The following PEX11G variants were observed in gnomAD, a reference collection of about 807,000 sequenced individuals.
The protein encoded by PEX11G is peroxisomal membrane protein 11C.
In PEX11G, 20 loss-of-function variants were observed where a neutral mutation model predicts 22.5. That is an observed-to-expected ratio of 0.89 (90% CI 0.62 to 1.29). PEX11G has a LOEUF of 1.29. Ranked by LOEUF, PEX11G falls within the 50% of genes most tolerant of loss-of-function variation. The pLI is 0.00. For missense variants in PEX11G, 347 were observed against 331.3 expected (o/e 1.05, Z -0.37); for synonymous variants, 141 against 154.5 (o/e 0.91, Z 0.65).
Position 7,477,309 on chromosome 19 carries a change from CG to C in PEX11G, c.618del (p.Gly207AlafsTer7). The C allele has an allele frequency of 1.9e-6, 3 of 1,563,812 alleles. No individual in the cohort carries two copies. Among genetic ancestry groups the C allele is most frequent in the Non-Finnish European group, 2.6e-6 (3 of 1,155,850 alleles). On this transcript the variant is annotated frameshift_variant, in exon 5 of 5. Coordinates refer to ENST00000221480, the MANE Select transcript of PEX11G (RefSeq NM_080662.4). LOFTEE classifies it high-confidence loss of function. ...CCCACTAGCCACGGCGGGAAGCGGCCGGCCCACAGCACGCCCCGGGGCAGCC... is the reference window on the plus strand; with the variant it reads ...CCCACTAGCCACGGCGGGAAGCGGCCGCCCACAGCACGCCCCGGGGCAGCC... ...VHWLPRGVLW[A>X]GRFPPWLVGL...
intron 2 of PEX11G, among the ~76,000 whole-genome samples, chr19:7,482,868 G>A (rs1977559978): frequency 6.6e-6 from 1 of 152,222 alleles, no homozygotes; most frequent in Non-Finnish European, 1.5e-5. Context: ...CCCCAGTTCC[G>A]GCAGGGATGG....
chr19:7,489,575 G>T, upstream of PEX11G: 1 of 879,722 alleles, frequency 1.1e-6, no homozygotes, highest in Non-Finnish European at 1.4e-6. Context: ...TGCACATGTT[G>T]GACAACCATC....
upstream of PEX11G, chr19:7,489,135 G>T: frequency 1.6e-6 from 2 of 1,249,558 alleles, no homozygotes; most frequent in Admixed American, 7.8e-5. Context: ...CCCCCTGACC[G>T]GCTTTTTGTC....
chr19:7,479,712 T>C (rs1977399752), intron 3 of PEX11G, among the ~76,000 whole-genome samples: 1 of 151,598 alleles, frequency 6.6e-6, no homozygotes, highest in Admixed American at 6.6e-5. Context: ...AGGACTTCGA[T>C]GGCCGTGAAA....
intron 1 of PEX11G, among the ~76,000 whole-genome samples, chr19:7,488,027 G>A (rs2021741260): frequency 6.6e-6 from 1 of 152,190 alleles, no homozygotes; most frequent in Non-Finnish European, 1.5e-5. Context: ...TCAACCATAT[G>A]GGACTTGATT....
At chr19:7,491,345 C>T (rs1169056581), upstream of PEX11G, among the ~76,000 whole-genome samples, 3 of 148,686 alleles carry the variant, frequency 2.0e-5, no homozygotes, top group East Asian at 2.0e-4. Flanking sequence ...TCTCAGCTCA[C>T]GGCAGCCTCC....
upstream of PEX11G, among the ~76,000 whole-genome samples, chr19:7,489,726 C>G (rs540320416): frequency 5.9e-5 from 9 of 152,132 alleles, no homozygotes; most frequent in Non-Finnish European, 1.2e-4. Flanking sequence ...CGGAAAAGCT[C>G]TCTGTTCTTC....
chr19:7,489,170 G>T, upstream of PEX11G: 1 of 763,158 alleles, frequency 1.3e-6, no homozygotes, highest in Non-Finnish European at 1.6e-6. Context: ...GACAGAGTTT[G>T]CAGAGGTGGG....
At chr19:7,488,483 T>C (rs1393092653) in intron 1 of PEX11G, among the ~76,000 whole-genome samples, 3 of 152,146 alleles carry the variant, frequency 2.0e-5, no homozygotes, top group South Asian at 2.1e-4. Flanking sequence ...TCCAGACAGG[T>C]TGGGTTGGCA....
At chr19:7,482,331 G>C in intron 2 of PEX11G, 120 bp from the exon 3 acceptor site, 5 of 1,159,692 alleles carry the variant, frequency 4.3e-6, no homozygotes, top group Non-Finnish European at 5.9e-6. Context: ...GCCGTGTCCA[G>C]GCCTGGCAGG....
chr19:7,485,686 G>A (rs896848266), intron 2 of PEX11G, 152 bp downstream of exon 2: 17 of 659,302 alleles, frequency 2.6e-5, no homozygotes, highest in Non-Finnish European at 4.0e-5. Flanking sequence ...GGCCTGGCTG[G>A]TCTCGAACTC....
chr19:7,484,082 G>T (rs549638933), intron 2 of PEX11G, among the ~76,000 whole-genome samples: 1 of 152,308 alleles, frequency 6.6e-6, no homozygotes, highest in Admixed American at 6.5e-5. Flanking sequence ...GTGGCCAGGC[G>T]CGGTGGCTCA....
rs1709442621 is a variant in PEX11G, at chr19:7,477,348, T to C, written c.580A>G (p.Asn194Asp). ...CCCCGGGGCAGCCAGTGCACGGCGT[T>C]GGCCAGGTCGGCCAGGTTGCTGAGA... The part of the protein sequence containing the change: ...SLLSNLADLA[N>D]AVHWLPRGVL... Residue 194 changes from asparagine (N) to aspartate (D), a missense_variant, in exon 5 of 5, where the codon AAC becomes GAC. Physicochemically the swap from Asn to Asp is conservative, Grantham distance 23 (BLOSUM62 1). Coordinates refer to ENST00000221480, the MANE Select transcript of PEX11G (RefSeq NM_080662.4). 1.3e-6 allele frequency: 2 copies of C among 1,558,890 alleles called. No individual in the cohort carries two copies. The highest frequency in any genetic ancestry group is 1.7e-6 in the Non-Finnish European group (2 of 1,153,960).
In PEX11G at chr19:7,477,259, G is replaced by C; in HGVS notation, c.669C>G (p.Ile223Met). Residue 223 changes from isoleucine (I) to methionine (M), a missense_variant, in exon 5 of 5, where the codon ATC becomes ATG. By Grantham distance (10) the Ile-to-Met change is conservative. Coordinates refer to ENST00000221480, the MANE Select transcript of PEX11G (RefSeq NM_080662.4). Reference protein sequence around the residue: ...LVGLMGTISSILSMYQAARAG... With the variant: ...LVGLMGTISSMLSMYQAARAG... ...CCCGGGCCGCCTGGTACATGCTGAGGATTGAGGAGATGGTGCCCATGAGGC... is the reference window on the plus strand; with the variant it reads ...CCCGGGCCGCCTGGTACATGCTGAGCATTGAGGAGATGGTGCCCATGAGGC... The C allele has an allele frequency of 6.3e-7, 1 of 1,584,036 alleles. No individual in the cohort carries two copies. Among genetic ancestry groups the C allele is most frequent in the Non-Finnish European group, 8.6e-7 (1 of 1,167,564 alleles).
chr19:7,488,984 C>G lies in PEX11G; in HGVS notation c.27G>C (p.Ser9=), dbSNP rs1333799004. ...CCCGGCCCCTGTACGACTCCAGCGC[C>G]GACGCCAGGCCGCTCAGCGACGCCA... MASLSGLA[S]ALESYRGRDR... is the part of the protein sequence containing the mutation. The change falls in exon 1 of 5, where the codon TCG becomes TCC. Residue 9 remains serine (S), a synonymous_variant. Transcript: ENST00000221480. 20 of 1,549,254 alleles carry G rather than the reference C, an allele frequency of 1.3e-5. No homozygotes were observed. The East Asian group carries it at 5.0e-4, about 38-fold the overall frequency.
At chr19:7,478,227 T>A (rs7251857) in intron 4 of PEX11G, 87 bp downstream of exon 4, 1 of 1,415,554 alleles carries the variant, frequency 7.1e-7, no homozygotes, top group Non-Finnish European at 9.7e-7. Context: ...GTCCCCAGCA[T>A]GGGCCTGCAC....
At chr19:7,481,888 A>G (rs1437045327) in intron 3 of PEX11G, 145 bp downstream of exon 3, 1 of 811,492 alleles carries the variant, frequency 1.2e-6, no homozygotes, top group African/African-American at 1.7e-5. Context: ...CAAAAGGAAG[A>G]AACAACAAAA....
At chr19:7,489,562 A>G, upstream of PEX11G, 1 of 924,438 alleles carries the variant, frequency 1.1e-6, no homozygotes, top group Non-Finnish European at 1.3e-6. Flanking sequence ...TGACATTAGT[A>G]CATGCACATG....
intron 2 of PEX11G, among the ~76,000 whole-genome samples, chr19:7,483,632 G>A (rs550572105): frequency 6.6e-6 from 1 of 152,274 alleles, no homozygotes; most frequent in East Asian, 1.9e-4. Flanking sequence ...GATGCTATAG[G>A]TGTCAAAACA....
Sources: gnomAD v4.1 joint callset for allele counts (sites outside exome capture counted in the v4.1 genomes callset) on GRCh38, gnomAD v4.1.1 for gene constraint, MANE v1.5 for transcripts, NCBI Gene and HGNC (gene_info 2026-07-23, HGNC 2026-07-21) for gene names.